The following SLC44A5 variants were observed in gnomAD, a reference collection of about 807,000 sequenced individuals.
The protein encoded by SLC44A5 is choline transporter-like protein 5.
A neutral mutation model predicts 101.8 loss-of-function variants in SLC44A5; 57 were observed. The ratio of observed to expected loss-of-function variants is 0.56; its 90% CI spans 0.45 to 0.70. The LOEUF (loss-of-function observed/expected upper bound fraction) is 0.70. Among genes scored for constraint, SLC44A5 ranks in the 30% least tolerant of loss-of-function variants. The pLI is 0.00. For missense variants in SLC44A5, 737 were observed against 853.1 expected (o/e 0.86, Z 1.70); for synonymous variants, 281 against 290.9 (o/e 0.97, Z 0.35).
intron 3 of SLC44A5, among the ~76,000 whole-genome samples, chr1:75,344,596 A>G (rs1658115000): frequency 6.6e-6 from 1 of 152,176 alleles, no homozygotes; most frequent in African/African-American, 2.4e-5. Context: ...GACAACAGAA[A>G]CAAGGTTGGA....
intron 5 of SLC44A5, among the ~76,000 whole-genome samples, chr1:75,281,137 A>G (rs1245974313): frequency 6.6e-6 from 1 of 152,116 alleles, no homozygotes; most frequent in Non-Finnish European, 1.5e-5. Context: ...GAAAGTTTGG[A>G]ACAACTTAGA....
chr1:75,421,045 G>A (rs1663971693), intron 2 of SLC44A5, among the ~76,000 whole-genome samples: 1 of 152,026 alleles, frequency 6.6e-6, no homozygotes, highest in African/African-American at 2.4e-5. Flanking sequence ...CTGTTTCAGA[G>A]GGGGAAATAG....
At chr1:75,318,189 C>T (rs1483379995) in intron 4 of SLC44A5, among the ~76,000 whole-genome samples, 1 of 151,914 alleles carries the variant, frequency 6.6e-6, no homozygotes, top group Non-Finnish European at 1.5e-5. Flanking sequence ...TCAGTCTGGG[C>T]AACACAGTGA....
At chr1:75,634,256 C>A in the SLC44A5 span, among the ~76,000 whole-genome samples, 1 of 152,080 alleles carries the variant, frequency 6.6e-6, no homozygotes, top group Non-Finnish European at 1.5e-5. Context: ...AGGGAGGATT[C>A]CCTCTTTTTC....
intron 10 of SLC44A5, among the ~76,000 whole-genome samples, chr1:75,237,731 T>C (rs1648226255): frequency 1.3e-5 from 2 of 152,122 alleles, no homozygotes; most frequent in South Asian, 4.1e-4. Flanking sequence ...ATCATATTTG[T>C]ATCATTATTT....
At chr1:75,498,511 T>C (rs577842023) in intron 2 of SLC44A5, among the ~76,000 whole-genome samples, 3 of 152,346 alleles carry the variant, frequency 2.0e-5, no homozygotes, top group African/African-American at 4.8e-5. Context: ...TGTCTTAATC[T>C]ATTTTCTTTA....
chr1:75,274,973 T>C lies in SLC44A5; in HGVS notation c.245A>G (p.Lys82Arg), dbSNP rs1375318171. The C allele has an allele frequency of 6.2e-7, 1 of 1,612,540 alleles. No individual in the cohort carries two copies. Among genetic ancestry groups the C allele is most frequent in the East Asian group, 2.2e-5 (1 of 44,834 alleles). ...TDSQGHFCGQ[K>R]GTPNENKTIL... ...CCATACTCACTCATTGGGAGTGCCCTTCTGGCCACAAAAGTGGCCCTGGCT... is the reference window on the plus strand; with the variant it reads ...CCATACTCACTCATTGGGAGTGCCCCTCTGGCCACAAAAGTGGCCCTGGCT... The change falls in exon 6 of 24, where the codon AAG (lysine) becomes AGG (arginine). Residue 82 changes from lysine (K) to arginine (R), a missense_variant. By Grantham distance (26) the Lys-to-Arg change is conservative. Transcript: ENST00000370859.
chr1:75,628,933 C>G, the SLC44A5 span, among the ~76,000 whole-genome samples: 1 of 152,010 alleles, frequency 6.6e-6, no homozygotes, highest in Admixed American at 6.6e-5. Context: ...GGGAAAAGTC[C>G]CATCTCAACT....
rs139031172 is a variant in SLC44A5, at chr1:75,262,076, G to T, written c.261-10782C>A. 7.9e-5 allele frequency among the ~76,000 whole-genome samples: 12 copies of T among 151,558 alleles called. No homozygotes were observed. In the East Asian group the frequency reaches 2.3e-3, roughly 29 times the overall value. ...ACTGGAAACAATCCCTTTGAAAACC[G>T]GCACAACACAAGGATGCCCTCTCTC... On this transcript the variant is annotated intron_variant, in intron 6 of 23. Transcript: ENST00000370859.
At chr1:75,573,178 A>T (rs977094171) in intron 1 of SLC44A5, among the ~76,000 whole-genome samples, 1 of 150,552 alleles carries the variant, frequency 6.6e-6, no homozygotes, top group African/African-American at 2.5e-5. Flanking sequence ...AAAGGTACTA[A>T]AGCAAGAAAT....
intron 3 of SLC44A5, among the ~76,000 whole-genome samples, chr1:75,394,534 G>A (rs1662004032): frequency 6.6e-6 from 1 of 152,134 alleles, no homozygotes; most frequent in African/African-American, 2.4e-5. Flanking sequence ...AGGCAATGCT[G>A]ATAGAGGTAC....
chr1:75,463,779 A>G (rs913259022), intron 2 of SLC44A5, among the ~76,000 whole-genome samples: 1 of 152,216 alleles, frequency 6.6e-6, no homozygotes. Flanking sequence ...TACAAAACTC[A>G]CTGGTAATAG....
intron 2 of SLC44A5, among the ~76,000 whole-genome samples, chr1:75,528,153 T>C (rs1226794686): frequency 6.6e-6 from 1 of 152,172 alleles, no homozygotes; most frequent in East Asian, 1.9e-4. Context: ...CTACTGCTCT[T>C]TCCAGGAAAT....
At chr1:75,640,596 T>A in the SLC44A5 span, among the ~76,000 whole-genome samples, 1 of 152,094 alleles carries the variant, frequency 6.6e-6, no homozygotes, top group Non-Finnish European at 1.5e-5. Context: ...ATTCTCTCTC[T>A]CTCTCTGGGG....
At chr1:75,631,297 T>C in the SLC44A5 span, among the ~76,000 whole-genome samples, 1 of 152,200 alleles carries the variant, frequency 6.6e-6, no homozygotes, top group Non-Finnish European at 1.5e-5. Context: ...TTTCCAACAG[T>C]GCATCTTGTT....
upstream of SLC44A5, among the ~76,000 whole-genome samples, chr1:75,614,566 C>T (rs921392701): frequency 1.3e-5 from 2 of 152,208 alleles, no homozygotes; most frequent in African/African-American, 4.8e-5. Flanking sequence ...TAGAGCGGAG[C>T]TAAGCTCCCA....
intron 3 of SLC44A5, among the ~76,000 whole-genome samples, chr1:75,375,984 C>G (rs558092296): frequency 6.6e-6 from 1 of 152,106 alleles, no homozygotes; most frequent in East Asian, 1.9e-4. Flanking sequence ...GTGTGTGCAC[C>G]GTGTGCGAGC....
rs568184951 is a variant in SLC44A5 at position 75,277,933 on chromosome 1, A to G, written c.176-2891T>C. On this transcript the variant is annotated intron_variant, in intron 5 of 23. Coordinates refer to ENST00000370859, the MANE Select transcript of SLC44A5 (RefSeq NM_001130058.2). ...TGAGCTGAAAGCTACAAAAAAGAGG[A>G]AAAAAAGGAGATGGGCAGCAGCCAT... 2.2e-3 allele frequency among the ~76,000 whole-genome samples: 329 copies of G among 152,212 alleles called. 1 individual carries two copies. Among genetic ancestry groups the G allele is most frequent in the Non-Finnish European group, 3.7e-3 (249 of 68,004 alleles).
At chr1:75,445,971 C>G (rs568250747) in intron 2 of SLC44A5, among the ~76,000 whole-genome samples, 1 of 152,228 alleles carries the variant, frequency 6.6e-6, no homozygotes, top group East Asian at 1.9e-4. Context: ...TACCTCACAT[C>G]CAATCCATCA....
Sources: allele counts gnomAD v4.1 joint callset (sites outside exome capture counted in the v4.1 genomes callset), GRCh38; gene constraint gnomAD v4.1.1; transcripts MANE v1.5; gene names NCBI Gene and HGNC (gene_info 2026-07-23, HGNC 2026-07-21).